CC2D2B: variants seen among roughly 807,000 people sequenced by gnomAD.
The protein encoded by CC2D2B is coiled-coil and C2 domain containing 2B.
Under a neutral mutation model 161.2 loss-of-function variants are expected in CC2D2B, and 128 were observed. That is an observed-to-expected ratio of 0.79 (90% confidence interval 0.69 to 0.92). The LOEUF (loss-of-function observed/expected upper bound fraction) is 0.92, where lower values mean the gene tolerates loss of function less well. Ranked by LOEUF, CC2D2B falls within the 40% of genes least tolerant of loss-of-function variation. CC2D2B has a pLI of 0.00. For synonymous variants in CC2D2B, 391 were observed against 449.8 expected (o/e 0.87, Z 1.65); for missense variants, 1,173 against 1,375.1 (o/e 0.85, Z 2.32).
At chr10:95,983,460 T>TTG in intron 18 of CC2D2B, 146 bp from the exon 19 acceptor site, 2 of 409,554 alleles carry the variant, frequency 4.9e-6, no homozygotes, top group Non-Finnish European at 8.4e-6. Flanking sequence ...TTGTTTTGTT[T>TTG]TTTGTATGTT....
At chr10:96,010,233 T>A (rs1465924143) in intron 26 of CC2D2B, among the ~76,000 whole-genome samples, 1 of 152,216 alleles carries the variant, frequency 6.6e-6, no homozygotes, top group African/African-American at 2.4e-5. Flanking sequence ...TTCTTTGTAA[T>A]CATGGGTACC....
chr10:96,011,901 A>G (rs979274521), intron 26 of CC2D2B, among the ~76,000 whole-genome samples: 1 of 152,074 alleles, frequency 6.6e-6, no homozygotes, highest in African/African-American at 2.4e-5. Flanking sequence ...AGATTTTCTA[A>G]GAGCTTTATC....
At chr10:95,935,553 G>T (rs766391468) in intron 6 of CC2D2B, among the ~76,000 whole-genome samples, 1 of 151,442 alleles carries the variant, frequency 6.6e-6, no homozygotes, top group African/African-American at 2.4e-5. Flanking sequence ...GTCCTTACAG[G>T]GGGGACCTGG....
intron 15 of CC2D2B, 60 bp from the exon 16 acceptor site, chr10:95,972,005 AT>A: frequency 1.1e-6 from 1 of 931,380 alleles, no homozygotes; most frequent in Non-Finnish European, 1.4e-6. Flanking sequence ...AAGGGTGCTT[AT>A]TTTTTCCTTT....
chr10:95,938,699 A>G lies in CC2D2B; in HGVS notation c.666A>G (p.Leu222=), dbSNP rs1454251180. The G allele has an allele frequency of 4.2e-6, 3 of 711,362 alleles. No homozygotes were observed. The highest frequency in any genetic ancestry group is 7.8e-6 in the Non-Finnish European group (3 of 383,296). The allele number at this position is 711,362 out of a possible 1,614,324, so 44.1% of individuals were successfully genotyped here. Residue 222 remains leucine, a synonymous_variant, in exon 8 of 35, where the codon CTA becomes CTG. Transcript: ENST00000646931. ...CNKMENRLLK[L]EEGKCWFGES... ...AAATGGAAAATCGCCTGCTTAAACT[A>G]GAAGAGGCAAGTGCACCACCTAACA...
chr10:95,911,595 CTATT>C (rs1397030310), intron 2 of CC2D2B, among the ~76,000 whole-genome samples: 1 of 152,096 alleles, frequency 6.6e-6, no homozygotes. Flanking sequence ...ACTTCAATAT[CTATT>C]TGTTTATATG....
At position 96,009,859 on chromosome 10, in the gene CC2D2B, A is replaced by G; in HGVS notation, c.2981A>G (p.Tyr994Cys). Residue 994 changes from tyrosine (Y) to cysteine (C), a missense_variant, in exon 26 of 35, where the codon TAT becomes TGT. Tyr to Cys is a radical substitution (Grantham distance 194). This residue lies in a region of CC2D2B where 598 missense variants were observed against 693.2 expected (regional missense o/e 0.86). Transcript: ENST00000646931. The stretch of plus-strand genomic sequence containing the variant: ...CTCAAGAGCTGTAGTGGTCACTCAT[A>G]TATAAGAAAGAATTGGCTTGGATGC... ...HCLKSCSGHS[Y>C]IRKNWLGCIV... is the part of the protein sequence containing the mutation. 1 of 1,607,854 alleles carries G rather than the reference A, an allele frequency of 6.2e-7. No homozygotes were observed. The highest frequency in any genetic ancestry group is 8.5e-7 in the Non-Finnish European group (1 of 1,175,514).
rs1318016895 is a variant in CC2D2B, at chr10:96,032,790, C to T, written c.*782C>T. On this transcript the variant is annotated 3_prime_UTR_variant, in exon 35 of 35. Transcript: ENST00000646931. ...AGGAACTCCCAGGAAACTCTAATTT[C>T]TCCCAATTCTGTGAGGGAGGAAATG... The T allele has an allele frequency of 6.2e-5, 29 of 470,264 alleles. No homozygotes were observed. Among genetic ancestry groups the T allele is most frequent in the Non-Finnish European group, 1.3e-4 (29 of 226,692 alleles). 29.1% of individuals were successfully genotyped at this position (470,264 alleles called of 1,614,324 possible). A position where few individuals can be genotyped will look rare whatever the true frequency, so the allele number is the denominator to read the frequency against.
intron 22 of CC2D2B, among the ~76,000 whole-genome samples, chr10:95,994,244 T>A (rs1241396623): frequency 1.3e-5 from 2 of 151,574 alleles, no homozygotes; most frequent in African/African-American, 4.9e-5. Flanking sequence ...GTCAAGCAAG[T>A]CACCTGATCA....
Position 95,982,070 on chromosome 10 carries a change from A to T in CC2D2B, c.2039A>T (p.Asp680Val). The stretch of plus-strand genomic sequence containing the variant: ...GAATGGGCAAATGAAGTCAGAATTG[A>T]TCCAAATAATCCAGAATATTCTGAT... ...LFEWANEVRI[D>V]PNNPEYSDLM... The change falls in exon 18 of 35, where the codon GAT (aspartate) becomes GTT (valine). Residue 680 changes from aspartate to valine, a missense_variant. Coordinates refer to ENST00000646931, the MANE Select transcript of CC2D2B (RefSeq NM_001349008.3). 8.1e-7 allele frequency: 1 copy of T among 1,231,158 alleles called. No individual in the cohort carries two copies. Among genetic ancestry groups the T allele is most frequent in the Non-Finnish European group, 1.0e-6 (1 of 987,110 alleles). The allele number at this position is 1,231,158 out of a possible 1,614,324, so 76.3% of individuals were successfully genotyped here.
chr10:95,980,084 C>T (rs575604096), intron 17 of CC2D2B, among the ~76,000 whole-genome samples: 19 of 152,122 alleles, frequency 1.2e-4, no homozygotes, highest in African/African-American at 3.6e-4. Context: ...TAGACAACAA[C>T]CAAAGAGTTT....
intron 3 of CC2D2B, among the ~76,000 whole-genome samples, chr10:95,923,249 T>TTGTGTGTG (rs138330203): frequency 4.0e-5 from 6 of 150,514 alleles, no homozygotes; most frequent in Middle Eastern, 3.4e-3. Flanking sequence ...GCCCCCAAAT[T>TTGTGTGTG]TGTGTGTGTG....
At position 95,938,065 on chromosome 10, in the gene CC2D2B, G is replaced by C. The variant is rs753655014; in HGVS notation, c.411G>C (p.Glu137Asp). 5.6e-5 allele frequency: 87 copies of C among 1,550,414 alleles called. No individual in the cohort carries two copies. The highest frequency in any genetic ancestry group is 1.7e-4 in the Middle Eastern group (1 of 6,000). Reference sequence around the variant, plus strand: ...TACAAAATGTTGCTGAGAGTGAAGAGGAAGAGTTTATGAAAGAATTCATTT... The same window carrying C: ...TACAAAATGTTGCTGAGAGTGAAGACGAAGAGTTTATGAAAGAATTCATTT... ...VNLQNVAESEEEEFMKEFILT... is the reference protein window; with the variant it reads ...VNLQNVAESEDEEFMKEFILT... The change falls in exon 7 of 35, where the codon GAG becomes GAC. Residue 137 changes from glutamate (E) to aspartate (D), a missense_variant. This residue lies in a region of CC2D2B where 298 missense variants were observed against 261.2 expected (regional missense o/e 1.14). Transcript: ENST00000646931.
intron 2 of CC2D2B, among the ~76,000 whole-genome samples, chr10:95,913,021 G>T (rs1178208221): frequency 6.6e-6 from 1 of 151,460 alleles, no homozygotes; most frequent in East Asian, 1.9e-4. Context: ...AATTATTGTT[G>T]ACCATAGCCA....
intron 2 of CC2D2B, among the ~76,000 whole-genome samples, chr10:95,912,449 G>A (rs1288779524): frequency 6.6e-6 from 1 of 152,066 alleles, no homozygotes; most frequent in Non-Finnish European, 1.5e-5. Context: ...CACAGATTTG[G>A]GAATCCATGG....
At chr10:96,008,169 T>TG in intron 25 of CC2D2B, among the ~76,000 whole-genome samples, 1 of 144 alleles carries the variant, frequency 6.9e-3, no homozygotes, top group African/African-American at 0.025. Context: ...GTATGTGTTC[T>TG]TTTTTTTTTT....
intron 16 of CC2D2B, among the ~76,000 whole-genome samples, chr10:95,972,739 G>A (rs1197654343): frequency 6.6e-6 from 1 of 152,192 alleles, no homozygotes; most frequent in Non-Finnish European, 1.5e-5. Context: ...CACGCTTTTT[G>A]CAGGCCATCC....
At chr10:95,907,821 C>A (rs770626184), upstream of CC2D2B, 2 of 152,588 alleles carry the variant, frequency 1.3e-5, no homozygotes, top group Non-Finnish European at 2.9e-5. Context: ...TAGACCCCGG[C>A]GGCGAACAGA....
chr10:96,014,394 G>A (rs1365051193), intron 29 of CC2D2B, among the ~76,000 whole-genome samples: 4 of 152,096 alleles, frequency 2.6e-5, no homozygotes, highest in African/African-American at 9.7e-5. Flanking sequence ...ATCTAACTGG[G>A]CATCCTATAA....
Sources: allele counts gnomAD v4.1 joint callset (sites outside exome capture counted in the v4.1 genomes callset), GRCh38; gene constraint gnomAD v4.1.1; regional missense constraint gnomAD v4.1.1; transcripts MANE v1.5; gene names NCBI Gene and HGNC (gene_info 2026-07-23, HGNC 2026-07-21).